The following CERKL variants were observed in gnomAD, a reference collection of about 807,000 sequenced individuals.
CERKL encodes CERK like autophagy regulator, also known as ceramide kinase-like protein.
In CERKL, 61 loss-of-function variants were observed where a neutral mutation model predicts 63.4. The ratio of observed to expected loss-of-function variants is 0.96; its 90% CI spans 0.78 to 1.19. The LOEUF (loss-of-function observed/expected upper bound fraction) is 1.19, where lower values mean the gene tolerates loss of function less well. Ranked by LOEUF, CERKL falls within the 50% of genes most tolerant of loss-of-function variation. CERKL has a pLI of 0.00. For missense variants in CERKL, 675 were observed against 655.5 expected (o/e 1.03, Z -0.33); for synonymous variants, 250 against 230.5 (o/e 1.08, Z -0.77).
At chr2:181,627,146 T>G (rs886579699) in intron 1 of CERKL, among the ~76,000 whole-genome samples, 3 of 152,160 alleles carry the variant, frequency 2.0e-5, no homozygotes, top group Non-Finnish European at 4.4e-5. Context: ...TATTGAGGAT[T>G]TGAGGTTGAT....
At chr2:181,600,265 G>A (rs73037319) in intron 2 of CERKL, among the ~76,000 whole-genome samples, 30,097 of 152,052 alleles carry the variant, frequency 0.2, 5,018 homozygotes, top group African/African-American at 0.46. Context: ...AAAAGTACAA[G>A]GCTCAGAGAT....
intron 2 of CERKL, among the ~76,000 whole-genome samples, chr2:181,600,088 T>C (rs1685394498): frequency 6.6e-6 from 1 of 152,206 alleles, no homozygotes; most frequent in Non-Finnish European, 1.5e-5. Context: ...GCCAAGAATT[T>C]CATAATCTGC....
At chr2:181,540,854 A>G (rs1375489) in intron 11 of CERKL, among the ~76,000 whole-genome samples, 151,215 of 152,276 alleles carry the variant, frequency 0.99, 75,096 homozygotes, top group Middle Eastern at 1. Context: ...GGAGTTCAAC[A>G]GAGGAAACAA....
chr2:181,602,119 T>A (rs904058978), intron 2 of CERKL, among the ~76,000 whole-genome samples: 1 of 152,202 alleles, frequency 6.6e-6, no homozygotes, highest in African/African-American at 2.4e-5. Flanking sequence ...CCTATAAAAT[T>A]GCTTTTACTG....
intron 1 of CERKL, among the ~76,000 whole-genome samples, chr2:181,649,171 C>T (rs1369723261): frequency 1.3e-5 from 2 of 152,052 alleles, no homozygotes; most frequent in African/African-American, 4.8e-5. Context: ...AGAGGCTTAC[C>T]TCACCGTTAA....
chr2:181,590,261 C>T (rs1044865146), intron 2 of CERKL, among the ~76,000 whole-genome samples: 2 of 152,106 alleles, frequency 1.3e-5, no homozygotes, highest in African/African-American at 4.8e-5. Context: ...CCTCAGCCTC[C>T]TGAGTAGCTG....
intron 1 of CERKL, 43 bp from the exon 2 acceptor site, chr2:181,604,122 A>C (rs1685577755): frequency 6.6e-7 from 1 of 1,520,390 alleles, no homozygotes; most frequent in African/African-American, 1.4e-5. Context: ...ATTGTGTTTC[A>C]TAGAGAGGAA....
chr2:181,537,240 G>GAAATTTACAT lies in CERKL; in HGVS notation c.*934_*943dup, dbSNP rs1469983153. 3 of 453,796 alleles carry GAAATTTACAT rather than the reference G, an allele frequency of 6.6e-6. No individual in the cohort carries two copies. Among genetic ancestry groups the GAAATTTACAT allele is most frequent in the Non-Finnish European group, 1.3e-5 (3 of 226,712 alleles). The allele number at this position is 453,796 out of a possible 1,614,324, so 28.1% of individuals were successfully genotyped here. ...TGTCTTCTCCAGGATGGTCTCTAAGGAAATTTACATTTGGTTCTTTCCTAC... is the reference window on the plus strand; with the variant it reads ...TGTCTTCTCCAGGATGGTCTCTAAGGAAATTTACATAAATTTACATTTGGTTCTTTCCTAC... On this transcript the variant is annotated 3_prime_UTR_variant, in exon 13 of 13. Coordinates refer to ENST00000410087, the MANE Select transcript of CERKL (RefSeq NM_201548.5).
chr2:181,653,744 TGGGAA>T (rs1304362593), intron 1 of CERKL, among the ~76,000 whole-genome samples: 3 of 152,054 alleles, frequency 2.0e-5, no homozygotes, highest in Non-Finnish European at 4.4e-5. Flanking sequence ...TACCAGAGAC[TGGGAA>T]GGGGAGGGGA....
chr2:181,548,644 C>T, intron 7 of CERKL, 36 bp downstream of exon 7: 1 of 1,612,842 alleles, frequency 6.2e-7, no homozygotes, highest in Non-Finnish European at 8.5e-7. Flanking sequence ...GTCATTGAAC[C>T]TGGGATACAA....
At chr2:181,573,038 G>T (rs187082042) in intron 3 of CERKL, among the ~76,000 whole-genome samples, 2 of 151,748 alleles carry the variant, frequency 1.3e-5, no homozygotes, top group Non-Finnish European at 2.9e-5. Flanking sequence ...CACTGTTAGC[G>T]AAGCCACATA....
At chr2:181,652,641 T>C (rs1029639734) in intron 1 of CERKL, among the ~76,000 whole-genome samples, 17 of 151,972 alleles carry the variant, frequency 1.1e-4, no homozygotes, top group South Asian at 2.1e-4. Flanking sequence ...CTAAAAAACT[T>C]TGCACCTTGA....
Position 181,558,215 on chromosome 2 carries a change from C to T in CERKL, c.820+351G>A, listed in dbSNP as rs537881358. 6.6e-6 allele frequency among the ~76,000 whole-genome samples: 1 copy of T among 152,226 alleles called. No homozygotes were observed. The highest frequency in any genetic ancestry group is 2.4e-5 in the African/African-American group (1 of 41,530). On this transcript the variant is annotated intron_variant, in intron 5 of 12. Transcript: ENST00000410087. This position sits in a 1 kb window ranked among gnomAD's most constrained non-coding sequence, Gnocchi z 4.2. ...GTGGCCCTGTTTTGAAACTTCTTAC[C>T]TGGTACTGTGTAATCAACAGATTTT...
At chr2:181,627,691 T>C (rs945766682) in intron 1 of CERKL, among the ~76,000 whole-genome samples, 5 of 152,208 alleles carry the variant, frequency 3.3e-5, no homozygotes, top group African/African-American at 1.2e-4. Context: ...GGTTTTCCTC[T>C]GGATCCTGAG....
chr2:181,543,622 G>A (rs1011516995), intron 11 of CERKL, among the ~76,000 whole-genome samples: 2 of 152,108 alleles, frequency 1.3e-5, no homozygotes, highest in Admixed American at 1.3e-4. Flanking sequence ...CCAGTCATTG[G>A]CTGGGTTTAC....
rs192424223 is a variant in CERKL at position 181,584,226 on chromosome 2, T to C, written c.482-10342A>G. On this transcript the variant is annotated intron_variant, in intron 2 of 12. Coordinates refer to ENST00000410087, the MANE Select transcript of CERKL (RefSeq NM_201548.5). ...TGACTTATCCTCTTAATAACCGCCATATTGGCCAGGCATGGTGGCTCACTC... is the reference window on the plus strand; with the variant it reads ...TGACTTATCCTCTTAATAACCGCCACATTGGCCAGGCATGGTGGCTCACTC... 2.0e-5 allele frequency among the ~76,000 whole-genome samples: 3 copies of C among 152,186 alleles called. No homozygotes were observed. The East Asian group carries it at 5.8e-4, about 29-fold the overall frequency.
intron 2 of CERKL, among the ~76,000 whole-genome samples, chr2:181,597,982 A>G (rs1685291410): frequency 6.6e-6 from 1 of 152,160 alleles, no homozygotes; most frequent in Non-Finnish European, 1.5e-5. Context: ...AGGGGGCAAC[A>G]CCATGTCAAG....
chr2:181,538,372 A>AATCT, intron 12 of CERKL, 128 bp from the exon 13 acceptor site: 5 of 626,736 alleles, frequency 8.0e-6, no homozygotes, highest in Non-Finnish European at 1.2e-5. Flanking sequence ...ACAGAGCTGT[A>AATCT]ATCTAGAAAA....
chr2:181,640,384 C>T (rs879551253), intron 1 of CERKL, among the ~76,000 whole-genome samples: 8 of 152,132 alleles, frequency 5.3e-5, no homozygotes, highest in Non-Finnish European at 5.9e-5. Flanking sequence ...ATACTACCCC[C>T]GTCATTGGCA....
Sources: gnomAD v4.1 joint callset for allele counts (sites outside exome capture counted in the v4.1 genomes callset) on GRCh38, gnomAD v4.1.1 for gene constraint, Gnocchi (gnomAD v3.1) non-coding constraint, MANE v1.5 for transcripts, NCBI Gene and HGNC (gene_info 2026-07-23, HGNC 2026-07-21) for gene names.